Variants in SLC14A2 observed in about 807,000 individuals in gnomAD.
The protein encoded by SLC14A2 is solute carrier family 14 member 2, also known as urea transporter 2.
A neutral mutation model predicts 104.6 loss-of-function variants in SLC14A2; 91 were observed. That is an observed-to-expected ratio of 0.87 (90% CI 0.73 to 1.04). SLC14A2 has a LOEUF of 1.04. SLC14A2 is among the 50% of genes least tolerant of loss of function. The pLI is 0.00. For synonymous variants in SLC14A2, 476 were observed against 466.4 expected, an observed-to-expected ratio of 1.02 and a Z score of -0.27; for missense variants, 1,189 against 1,156.0, an observed-to-expected ratio of 1.03 and a Z score of -0.41.
chr18:45,636,644 T>G (rs1367522364), intron 5 of SLC14A2, among the ~76,000 whole-genome samples: 8 of 152,232 alleles, frequency 5.3e-5, no homozygotes, highest in African/African-American at 1.9e-4. Flanking sequence ...ATACATTACA[T>G]TTTGTTTAGT....
intron 1 of SLC14A2, among the ~76,000 whole-genome samples, chr18:45,238,537 G>A (rs1190310832): frequency 6.6e-6 from 1 of 151,968 alleles, no homozygotes; most frequent in African/African-American, 2.4e-5. Context: ...AGGTGACTTG[G>A]AAAAGATGAC....
intron 1 of SLC14A2, among the ~76,000 whole-genome samples, chr18:45,247,697 A>T (rs2144066927): frequency 7.0e-6 from 1 of 143,866 alleles, no homozygotes; most frequent in South Asian, 2.2e-4. Flanking sequence ...CTGTTAATGT[A>T]GGCCTTTTTT....
chr18:45,311,087 C>A (rs965865350), intron 1 of SLC14A2, among the ~76,000 whole-genome samples: 1 of 152,160 alleles, frequency 6.6e-6, no homozygotes, highest in Non-Finnish European at 1.5e-5. Context: ...GCTTGGTATC[C>A]AGTCAGCCAG....
chr18:45,401,934 G>T (rs2086100614), intron 1 of SLC14A2, among the ~76,000 whole-genome samples: 1 of 152,220 alleles, frequency 6.6e-6, no homozygotes, highest in South Asian at 2.1e-4. Flanking sequence ...GTCTGCTTCA[G>T]ACCCTGTTAA....
At chr18:45,293,773 A>T (rs1452866006) in intron 1 of SLC14A2, among the ~76,000 whole-genome samples, 1 of 152,222 alleles carries the variant, frequency 6.6e-6, no homozygotes, top group African/African-American at 2.4e-5. Flanking sequence ...AATCATTTTC[A>T]AGTTCTACCT....
chr18:45,475,658 T>TG (rs1555693785), intron 1 of SLC14A2, among the ~76,000 whole-genome samples: 1 of 89,950 alleles, frequency 1.1e-5, no homozygotes, highest in Non-Finnish European at 2.1e-5. Flanking sequence ...TATATATATA[T>TG]ATATATATAT....
At chr18:45,531,592 G>T (rs1409397857) in intron 2 of SLC14A2, among the ~76,000 whole-genome samples, 1 of 152,078 alleles carries the variant, frequency 6.6e-6, no homozygotes, top group Non-Finnish European at 1.5e-5. Context: ...TGTAGATTCT[G>T]GATATTAGTC....
chr18:45,456,761 T>TA (rs2086951138), intron 1 of SLC14A2, among the ~76,000 whole-genome samples: 1 of 152,118 alleles, frequency 6.6e-6, no homozygotes, highest in African/African-American at 2.4e-5. Flanking sequence ...CTTTTTTTTT[T>TA]TTTTTTGGAT....
chr18:45,433,681 T>G, intron 1 of SLC14A2, among the ~76,000 whole-genome samples: 1 of 152,218 alleles, frequency 6.6e-6, no homozygotes, highest in Admixed American at 6.5e-5. Flanking sequence ...TCCTGATTAT[T>G]TGGGGCTACA....
the SLC14A2 span, among the ~76,000 whole-genome samples, chr18:45,191,338 A>C: frequency 6.6e-6 from 1 of 152,334 alleles, no homozygotes; most frequent in African/African-American, 2.4e-5. Context: ...CATATGAATT[A>C]AGGAGTCCCA....
intron 4 of SLC14A2, among the ~76,000 whole-genome samples, chr18:45,628,011 A>AG (rs2045287449): frequency 6.6e-6 from 1 of 151,518 alleles, no homozygotes; most frequent in East Asian, 1.9e-4. Context: ...AAAAAAAAAA[A>AG]AAAAAAAAAG....
At chr18:45,488,928 G>A (rs569357893) in intron 2 of SLC14A2, among the ~76,000 whole-genome samples, 2 of 152,274 alleles carry the variant, frequency 1.3e-5, no homozygotes, top group South Asian at 2.1e-4. Flanking sequence ...TGGACAAGAC[G>A]AACTCCCCAG....
intron 1 of SLC14A2, among the ~76,000 whole-genome samples, chr18:45,373,531 A>G (rs940148414): frequency 6.6e-6 from 1 of 152,166 alleles, no homozygotes; most frequent in Non-Finnish European, 1.5e-5. Context: ...TCTGGAGCCA[A>G]CTTCAGGCTA....
At chr18:45,398,690 C>T (rs959668444) in intron 1 of SLC14A2, among the ~76,000 whole-genome samples, 3 of 152,098 alleles carry the variant, frequency 2.0e-5, no homozygotes, top group Non-Finnish European at 4.4e-5. Context: ...GTGAAATAAG[C>T]CAGTCAACCC....
intron 1 of SLC14A2, among the ~76,000 whole-genome samples, chr18:45,445,921 G>T (rs993664808): frequency 6.6e-6 from 1 of 152,176 alleles, no homozygotes; most frequent in African/African-American, 2.4e-5. Flanking sequence ...CAGGAAAGTG[G>T]TTCTTTTGGG....
At chr18:45,174,224 C>A in the SLC14A2 span, among the ~76,000 whole-genome samples, 1 of 152,086 alleles carries the variant, frequency 6.6e-6, no homozygotes, top group African/African-American at 2.4e-5. Flanking sequence ...TCTCTCCCAC[C>A]ATGTCAGCAT....
At chr18:45,627,407 T>C (rs943963069) in intron 4 of SLC14A2, among the ~76,000 whole-genome samples, 17 of 152,210 alleles carry the variant, frequency 1.1e-4, no homozygotes, top group Admixed American at 9.8e-4. Context: ...TAAGCTGTTC[T>C]TCCCTCACAG....
chr18:45,446,289 AT>A (rs57747334), intron 1 of SLC14A2, among the ~76,000 whole-genome samples: 23,892 of 152,100 alleles, frequency 0.16, 2,680 homozygotes, highest in African/African-American at 0.29. Flanking sequence ...TGGGTTTTGG[AT>A]TTGGAGCTCT....
At chr18:45,390,080 G>A (rs1298642343) in intron 1 of SLC14A2, among the ~76,000 whole-genome samples, 11 of 152,218 alleles carry the variant, frequency 7.2e-5, no homozygotes. Context: ...TTGAGAGGCT[G>A]AAAAGGCTTT....
Sources: gnomAD v4.1 joint callset for allele counts (sites outside exome capture counted in the v4.1 genomes callset) on GRCh38, gnomAD v4.1.1 for gene constraint, MANE v1.5 for transcripts, NCBI Gene and HGNC (gene_info 2026-07-23, HGNC 2026-07-21) for gene names.